Variants in KCND2 observed in about 807,000 individuals in gnomAD.
The protein encoded by KCND2 is A-type voltage-gated potassium channel KCND2.
In KCND2, 16 loss-of-function variants were observed where a neutral mutation model predicts 54.4. That is an observed-to-expected ratio of 0.29 (90% CI 0.20 to 0.45). The LOEUF is 0.45. KCND2 is among the 20% of genes least tolerant of loss of function. The pLI is 1.00. For synonymous variants in KCND2, 317 were observed against 310.7 expected, an observed-to-expected ratio of 1.02 and a Z score of -0.21; for missense variants, 486 against 824.2, an observed-to-expected ratio of 0.59 and a Z score of 5.02.
chr7:120,626,181 G>T (rs1303528811), intron 1 of KCND2, among the ~76,000 whole-genome samples: 3 of 151,982 alleles, frequency 2.0e-5, no homozygotes, highest in Non-Finnish European at 2.9e-5. Context: ...TTGTAAATTT[G>T]CCTGGTCCAT....
chr7:120,622,689 A>ACTCTCTCTCTCT (rs751909741), intron 1 of KCND2, among the ~76,000 whole-genome samples: 1 of 125,946 alleles, frequency 7.9e-6, no homozygotes, highest in Admixed American at 8.9e-5. Context: ...ACACACACAC[A>ACTCTCTCTCTCT]CTCTCTCTCT....
At chr7:120,504,212 G>A (rs1802981025) in intron 1 of KCND2, among the ~76,000 whole-genome samples, 1 of 151,794 alleles carries the variant, frequency 6.6e-6, no homozygotes, top group South Asian at 2.1e-4. Context: ...AACTAATAAT[G>A]GTGCCAAAGT....
intron 1 of KCND2, among the ~76,000 whole-genome samples, chr7:120,634,045 A>G (rs1793272071): frequency 6.6e-6 from 1 of 152,154 alleles, no homozygotes; most frequent in African/African-American, 2.4e-5. Context: ...TCACTAGCTA[A>G]TGTCACCATG....
chr7:120,591,274 G>C (rs560658325), intron 1 of KCND2, among the ~76,000 whole-genome samples: 31 of 152,296 alleles, frequency 2.0e-4, no homozygotes, highest in African/African-American at 7.0e-4. Flanking sequence ...TACATTCATA[G>C]TTTGCTGTAT....
chr7:120,305,728 G>A (rs757385168), intron 1 of KCND2, among the ~76,000 whole-genome samples: 6 of 152,090 alleles, frequency 3.9e-5, no homozygotes, highest in Non-Finnish European at 7.4e-5. Context: ...GAATCCAAAT[G>A]TGTCTGTCCC....
chr7:120,390,376 C>T (rs553022941), intron 1 of KCND2, among the ~76,000 whole-genome samples: 15 of 152,010 alleles, frequency 9.9e-5, no homozygotes, highest in African/African-American at 3.6e-4. Context: ...CCATCATTTA[C>T]GGAGGATTTA....
chr7:120,283,898 A>G (rs781465654), intron 1 of KCND2, among the ~76,000 whole-genome samples: 10 of 152,166 alleles, frequency 6.6e-5, no homozygotes, highest in Non-Finnish European at 2.9e-5. Flanking sequence ...GAAGATTGCC[A>G]TAGGATATGT....
At chr7:120,537,745 C>A (rs1791929895) in intron 1 of KCND2, among the ~76,000 whole-genome samples, 1 of 152,172 alleles carries the variant, frequency 6.6e-6, no homozygotes. Flanking sequence ...ATGAACCAAC[C>A]TGTGCTAGCT....
intron 1 of KCND2, among the ~76,000 whole-genome samples, chr7:120,345,670 G>A (rs567664423): frequency 6.6e-6 from 1 of 152,038 alleles, no homozygotes; most frequent in Non-Finnish European, 1.5e-5. Context: ...GATTATTCTT[G>A]TTGTAGCATG....
intron 1 of KCND2, among the ~76,000 whole-genome samples, chr7:120,482,284 C>G (rs904781497): frequency 1.3e-5 from 2 of 152,088 alleles, no homozygotes; most frequent in African/African-American, 4.8e-5. Flanking sequence ...CTTCATAGAT[C>G]AAAAGCTGAA....
chr7:120,360,658 A>G (rs1800579648), intron 1 of KCND2, among the ~76,000 whole-genome samples: 1 of 151,990 alleles, frequency 6.6e-6, no homozygotes, highest in Non-Finnish European at 1.5e-5. Flanking sequence ...GCAAAGTTGT[A>G]TTTTGGGTAT....
At chr7:120,526,699 T>C (rs942314654) in intron 1 of KCND2, among the ~76,000 whole-genome samples, 1 of 152,176 alleles carries the variant, frequency 6.6e-6, no homozygotes, top group Non-Finnish European at 1.5e-5. Flanking sequence ...TGCCAAGTTT[T>C]GATAATTATT....
At chr7:120,479,684 T>C (rs1371841450) in intron 1 of KCND2, among the ~76,000 whole-genome samples, 2 of 150,682 alleles carry the variant, frequency 1.3e-5, no homozygotes, top group South Asian at 2.1e-4. Context: ...ATCTCAGCAC[T>C]TGGGGAGGCC....
At chr7:120,500,158 T>G (rs2116315522) in intron 1 of KCND2, among the ~76,000 whole-genome samples, 1 of 152,304 alleles carries the variant, frequency 6.6e-6, no homozygotes, top group South Asian at 2.1e-4. Context: ...AGGTCAGAAA[T>G]TCTCTCTAAT....
chr7:120,624,106 T>C (rs1260874612), intron 1 of KCND2, among the ~76,000 whole-genome samples: 4 of 152,172 alleles, frequency 2.6e-5, no homozygotes, highest in African/African-American at 9.7e-5. Context: ...AAATGAAAGA[T>C]GTATGGTTCA....
At chr7:120,402,754 A>G (rs1801283571) in intron 1 of KCND2, among the ~76,000 whole-genome samples, 2 of 152,276 alleles carry the variant, frequency 1.3e-5, no homozygotes, top group South Asian at 4.1e-4. Flanking sequence ...ATTTAATTTT[A>G]TATTATCTTT....
At chr7:120,478,822 C>T (rs889485952) in intron 1 of KCND2, among the ~76,000 whole-genome samples, 4 of 152,004 alleles carry the variant, frequency 2.6e-5, no homozygotes, top group African/African-American at 9.7e-5. Flanking sequence ...GGGAAAATAA[C>T]CATCCTGAAG....
chr7:120,744,801 C>T (rs1792984973), intron 4 of KCND2, among the ~76,000 whole-genome samples: 1 of 152,062 alleles, frequency 6.6e-6, no homozygotes, highest in African/African-American at 2.4e-5. Flanking sequence ...CAAAGCCTTC[C>T]ATTATAAGAC....
At chr7:120,462,417 T>G (rs1802296909) in intron 1 of KCND2, among the ~76,000 whole-genome samples, 1 of 152,014 alleles carries the variant, frequency 6.6e-6, no homozygotes, top group Non-Finnish European at 1.5e-5. Context: ...GATTCTGAGT[T>G]TCATTCAACT....
Sources: allele counts gnomAD v4.1 joint callset (sites outside exome capture counted in the v4.1 genomes callset), GRCh38; gene constraint gnomAD v4.1.1; transcripts MANE v1.5; gene names NCBI Gene and HGNC (gene_info 2026-07-23, HGNC 2026-07-21).